USP45: variants seen among roughly 807,000 people sequenced by gnomAD.
The protein encoded by USP45 is ubiquitin specific peptidase 45, also known as ubiquitin carboxyl-terminal hydrolase 45.
USP45 carries 89 observed loss-of-function variants against 95.8 expected under a neutral mutation model. That is an observed-to-expected ratio of 0.93 (90% CI 0.78 to 1.11). The LOEUF is 1.11. Among genes scored for constraint, USP45 ranks in the 50% least tolerant of loss-of-function variants. USP45 has a pLI of 0.00. For missense variants in USP45, 898 were observed against 942.5 expected (o/e 0.95, Z 0.62); for synonymous variants, 281 against 316.2 (o/e 0.89, Z 1.18).
chr6:99,488,925 C>T (rs1245664095), intron 5 of USP45, 105 bp from the exon 6 acceptor site: 1 of 880,498 alleles, frequency 1.1e-6, no homozygotes, highest in Admixed American at 3.8e-5. Flanking sequence ...AAGATTATCT[C>T]CCTGAATCAG....
intron 5 of USP45, among the ~76,000 whole-genome samples, chr6:99,497,401 A>G (rs1418731807): frequency 1.3e-5 from 2 of 152,166 alleles, no homozygotes; most frequent in Non-Finnish European, 2.9e-5. Flanking sequence ...ATGTAGTATT[A>G]ATGTAATCTG....
At chr6:99,455,426 G>T (rs1784827899) in intron 13 of USP45, among the ~76,000 whole-genome samples, 3 of 151,618 alleles carry the variant, frequency 2.0e-5, no homozygotes, top group African/African-American at 7.3e-5. Flanking sequence ...ACTTCAGCCT[G>T]GGCGATGGAG....
intron 13 of USP45, among the ~76,000 whole-genome samples, chr6:99,457,433 C>T (rs1785352459): frequency 6.6e-6 from 1 of 152,160 alleles, no homozygotes; most frequent in South Asian, 2.1e-4. Context: ...ATTTCTCAAG[C>T]TGGCCGATGC....
At chr6:99,450,579 A>T (rs1348278077) in intron 13 of USP45, among the ~76,000 whole-genome samples, 3 of 152,210 alleles carry the variant, frequency 2.0e-5, no homozygotes, top group Non-Finnish European at 4.4e-5. Context: ...GACCAGACGG[A>T]TTCACAGCCG....
In USP45 at chr6:99,432,733, A is replaced by G. The variant is rs1779901642; in HGVS notation, c.*2983T>C. 6.6e-6 allele frequency: 1 copy of G among 152,654 alleles called. No homozygotes were observed. Among genetic ancestry groups the G allele is most frequent in the Admixed American group, 6.5e-5 (1 of 15,284 alleles). The allele number at this position is 152,654 out of a possible 1,614,324, so 9.5% of individuals were successfully genotyped here. A position where few individuals can be genotyped will look rare whatever the true frequency, so the allele number is the denominator to read the frequency against. On this transcript the variant is annotated 3_prime_UTR_variant, in exon 18 of 18. Transcript: ENST00000500704. ...ATATTTGGTTTAGGCTTATTTGATC[A>G]ATACATGCAGAAAAATAAATTACAA...
intron 12 of USP45, 22 bp downstream of exon 12, chr6:99,465,058 T>G (rs1787580782): frequency 1.9e-6 from 3 of 1,551,968 alleles, no homozygotes; most frequent in Non-Finnish European, 2.6e-6. Flanking sequence ...CAAAGCTTCA[T>G]CATTAGTTTT....
At chr6:99,488,136 A>G in intron 7 of USP45, 64 bp downstream of exon 7, 1 of 1,111,648 alleles carries the variant, frequency 9.0e-7, no homozygotes, top group Non-Finnish European at 1.4e-6. Context: ...AATTAGGAAA[A>G]GAGATTTTGG....
At position 99,482,861 on chromosome 6, in the gene USP45, G is replaced by C; in HGVS notation, c.737C>G (p.Ser246Ter). Residue 246 changes from serine to a stop codon, truncating the protein, a stop_gained, in exon 8 of 18, where the codon TCA becomes TGA. Coordinates refer to ENST00000500704, the MANE Select transcript of USP45 (RefSeq NM_001346022.3). LOFTEE classifies it high-confidence loss of function. ...GGCTGAGGTCAGTGGTCCAGGCCTT[G>C]AAAGTTCCACCACCAATGGGTCCTT... ...SQLDPLVVEL[S>*]RPGPLTSALF... 1.3e-6 allele frequency: 2 copies of C among 1,562,296 alleles called. No homozygotes were observed. Among genetic ancestry groups the C allele is most frequent in the Non-Finnish European group, 1.7e-6 (2 of 1,156,070 alleles).
chr6:99,464,635 G>A lies in USP45; in HGVS notation c.1277C>T (p.Ala426Val), dbSNP rs922355193. ...TTTAGATGAAGAATGCTTCTTGGCA[G>A]CTCTAGGTTGATGAATATTTTCTAT... ...VTIENIHQPR[A>V]AKKHSSSKDK... The change falls in exon 13 of 18, where the codon GCT becomes GTT. Residue 426 changes from alanine (A) to valine (V), a missense_variant. Physicochemically the swap from Ala to Val is moderately conservative, Grantham distance 64 (BLOSUM62 0). Coordinates refer to ENST00000500704, the MANE Select transcript of USP45 (RefSeq NM_001346022.3). 21 of 1,613,110 alleles carry A rather than the reference G, an allele frequency of 1.3e-5. No homozygotes were observed. The highest frequency in any genetic ancestry group is 1.6e-5 in the Non-Finnish European group (19 of 1,179,782).
intron 5 of USP45, among the ~76,000 whole-genome samples, chr6:99,499,236 C>T (rs1047392060): frequency 2.6e-5 from 4 of 152,096 alleles, no homozygotes; most frequent in Non-Finnish European, 5.9e-5. Flanking sequence ...TTACTTAGTA[C>T]AAAAATATAA....
At position 99,434,214 on chromosome 6, in the gene USP45, A is replaced by G. The variant is rs1467920390; in HGVS notation, c.*1502T>C. 3.3e-5 allele frequency: 5 copies of G among 149,384 alleles called. No individual in the cohort carries two copies. The highest frequency in any genetic ancestry group is 1.2e-4 in the African/African-American group (5 of 41,370). The allele number at this position is 149,384 out of a possible 1,614,324, so 9.3% of individuals were successfully genotyped here. On this transcript the variant is annotated 3_prime_UTR_variant, in exon 18 of 18. Transcript: ENST00000500704. ...GTATACTATTACCGTCTTTAATTAC[A>G]GTTATGTTCATCCATATATCAAAAG...
intron 9 of USP45, among the ~76,000 whole-genome samples, chr6:99,472,221 A>ATTTTTT (rs5878580): frequency 6.9e-6 from 1 of 143,916 alleles, no homozygotes; most frequent in Non-Finnish European, 1.5e-5. Context: ...TCACTTACTA[A>ATTTTTT]TTTTTTTTTT....
chr6:99,465,807 A>G (rs72930696), intron 11 of USP45, among the ~76,000 whole-genome samples: 1 of 152,322 alleles, frequency 6.6e-6, no homozygotes, highest in Non-Finnish European at 1.5e-5. Flanking sequence ...TAAGTCATAC[A>G]CTTACAGAAA....
At chr6:99,474,462 T>G (rs867366497) in intron 9 of USP45, among the ~76,000 whole-genome samples, 4 of 152,074 alleles carry the variant, frequency 2.6e-5, no homozygotes, top group Middle Eastern at 3.2e-3. Context: ...CCTCCCAGAG[T>G]GCTGGGATTA....
At chr6:99,438,541 G>A (rs939672564) in intron 16 of USP45, among the ~76,000 whole-genome samples, 1 of 152,034 alleles carries the variant, frequency 6.6e-6, no homozygotes, top group Non-Finnish European at 1.5e-5. Context: ...ATTCCAAAAA[G>A]TGAAAATTAA....
upstream of USP45, among the ~76,000 whole-genome samples, chr6:99,516,402 C>G (rs537957655): frequency 1.3e-5 from 2 of 152,270 alleles, no homozygotes; most frequent in East Asian, 3.9e-4. Context: ...ACAAATGTGG[C>G]TTTAAGGATA....
At chr6:99,475,323 T>C (rs1191945966) in intron 9 of USP45, among the ~76,000 whole-genome samples, 9 of 150,972 alleles carry the variant, frequency 6.0e-5, no homozygotes, top group Admixed American at 4.6e-4. Context: ...ATTCCTTTTT[T>C]TTTTTTTTTT....
At chr6:99,474,488 A>G (rs2128669249) in intron 9 of USP45, among the ~76,000 whole-genome samples, 1 of 152,274 alleles carries the variant, frequency 6.6e-6, no homozygotes, top group Non-Finnish European at 1.5e-5. Context: ...ATGAGCCACC[A>G]TATCTGGCAG....
At chr6:99,517,409 A>G (rs368399075), upstream of USP45, among the ~76,000 whole-genome samples, 29 of 151,874 alleles carry the variant, frequency 1.9e-4, no homozygotes, top group East Asian at 4.5e-3. Flanking sequence ...TATTCCTCTT[A>G]TATTTCTATC....
Sources: allele counts gnomAD v4.1 joint callset (sites outside exome capture counted in the v4.1 genomes callset), GRCh38; gene constraint gnomAD v4.1.1; transcripts MANE v1.5; gene names NCBI Gene and HGNC (gene_info 2026-07-23, HGNC 2026-07-21).